The following SMYD3 variants were observed in gnomAD, a reference collection of about 807,000 sequenced individuals.
The protein encoded by SMYD3 is SET and MYND domain containing 3.
In SMYD3, 36 loss-of-function variants were observed where a neutral mutation model predicts 57.7. The observed-to-expected ratio is 0.62, with a 90% CI of 0.48 to 0.82. SMYD3 has a LOEUF of 0.82. Ranked by LOEUF, SMYD3 falls within the 40% of genes least tolerant of loss-of-function variation. SMYD3 has a pLI of 0.00. For missense variants in SMYD3, 515 were observed against 538.8 expected, an observed-to-expected ratio of 0.96 and a Z score of 0.44; for synonymous variants, 211 against 195.0, an observed-to-expected ratio of 1.08 and a Z score of -0.68.
intron 5 of SMYD3, among the ~76,000 whole-genome samples, chr1:246,286,923 G>A (rs1254547867): frequency 6.6e-6 from 1 of 150,550 alleles, no homozygotes; most frequent in African/African-American, 2.4e-5. Context: ...CCATGTTGGA[G>A]TGCAGTGACG....
intron 5 of SMYD3, among the ~76,000 whole-genome samples, chr1:246,220,673 G>A (rs1005265279): frequency 6.6e-6 from 1 of 152,216 alleles, no homozygotes; most frequent in Non-Finnish European, 1.5e-5. Context: ...GGTCACCAGT[G>A]AGGCCCCATT....
chr1:246,493,647 G>A (rs1404956789), intron 1 of SMYD3, among the ~76,000 whole-genome samples: 1 of 152,162 alleles, frequency 6.6e-6, no homozygotes, highest in Non-Finnish European at 1.5e-5. Flanking sequence ...TCACAGAGCA[G>A]TAGTATCACC....
chr1:246,252,343 A>T (rs2063811521), intron 5 of SMYD3, among the ~76,000 whole-genome samples: 1 of 152,220 alleles, frequency 6.6e-6, no homozygotes, highest in African/African-American at 2.4e-5. Flanking sequence ...AAGATAACAC[A>T]GTGTTTGCTA....
intron 1 of SMYD3, among the ~76,000 whole-genome samples, chr1:246,490,606 C>T (rs1331368326): frequency 1.3e-5 from 2 of 152,208 alleles, no homozygotes; most frequent in Non-Finnish European, 2.9e-5. Context: ...GACTCAATGG[C>T]TCACACCTAT....
chr1:246,411,393 C>G (rs1430523762), intron 1 of SMYD3, among the ~76,000 whole-genome samples: 2 of 152,136 alleles, frequency 1.3e-5, no homozygotes, highest in African/African-American at 2.4e-5. Context: ...TAAACTAGTT[C>G]AACCATTGTG....
In SMYD3 at chr1:245,996,489, G is replaced by T. The variant is rs1458701165; in HGVS notation, c.532-66552C>A. ...ACTGTGCTCTAACCCCTTGAAAACT[G>T]AACAAATAGACACATACTCATTAGG... On this transcript the variant is annotated intron_variant, in intron 5 of 11. Transcript: ENST00000490107. Among the ~76,000 whole-genome samples the T allele has an allele frequency of 3.3e-5, 5 of 152,248 alleles. No homozygotes were observed. In the East Asian group the frequency reaches 9.6e-4, roughly 29 times the overall value.
chr1:246,178,835 A>T (rs1405633314), intron 5 of SMYD3: 1 of 151,392 alleles, frequency 6.6e-6, no homozygotes, highest in Non-Finnish European at 1.5e-5. Flanking sequence ...AAAAAAAAAA[A>T]CCCATTAGAC....
At chr1:246,340,731 A>C (rs2065620160) in intron 2 of SMYD3, among the ~76,000 whole-genome samples, 1 of 152,182 alleles carries the variant, frequency 6.6e-6, no homozygotes, top group African/African-American at 2.4e-5. Context: ...TATTTTAAAA[A>C]ATTTAAATAG....
At chr1:245,932,508 C>A (rs975360549) in intron 5 of SMYD3, among the ~76,000 whole-genome samples, 19 of 152,170 alleles carry the variant, frequency 1.2e-4, no homozygotes, top group African/African-American at 4.6e-4. Flanking sequence ...TTTCATTCAT[C>A]ACTCTAGTCC....
intron 2 of SMYD3, among the ~76,000 whole-genome samples, chr1:246,348,077 T>TATATATACAC: frequency 1.2e-5 from 1 of 86,486 alleles, no homozygotes; most frequent in Admixed American, 1.4e-4. Context: ...TATATATATA[T>TATATATACAC]ACACACACAC....
intron 5 of SMYD3, among the ~76,000 whole-genome samples, chr1:246,265,956 T>C (rs1407045086): frequency 6.6e-6 from 1 of 152,246 alleles, no homozygotes; most frequent in Non-Finnish European, 1.5e-5. Flanking sequence ...CTCTCATGAA[T>C]GTTTTTAACA....
intron 5 of SMYD3, among the ~76,000 whole-genome samples, chr1:246,107,214 G>A (rs1480467169): frequency 1.3e-5 from 2 of 151,560 alleles, no homozygotes; most frequent in Non-Finnish European, 2.9e-5. Context: ...GTGAACCTGG[G>A]AGGCGGAGCT....
At position 245,771,908 on chromosome 1, in the gene SMYD3, C is replaced by A. The variant is rs76823551; in HGVS notation, c.1077-7759G>T. The stretch of plus-strand genomic sequence containing the variant: ...AAGATGGGCCCCACAGTCATGAAAC[C>A]ACCTCAGAACACGGAGAACTACTTC... On this transcript the variant is annotated intron_variant, in intron 10 of 11. Coordinates refer to ENST00000490107, the MANE Select transcript of SMYD3 (RefSeq NM_001167740.2). Among the ~76,000 whole-genome samples the A allele has an allele frequency of 5.1e-3, 770 of 152,210 alleles. 6 individuals carry two copies. The highest frequency in any genetic ancestry group is 0.018 in the African/African-American group (736 of 41,524).
intron 8 of SMYD3, among the ~76,000 whole-genome samples, chr1:245,896,389 C>CAAAAAAA (rs3052904): frequency 0.019 from 1,375 of 73,652 alleles, 131 homozygotes; most frequent in African/African-American, 0.088. Context: ...TTTGCCAAGT[C>CAAAAAAA]AAAAAAAAAA....
chr1:246,343,890 C>T (rs1305343891), intron 2 of SMYD3, among the ~76,000 whole-genome samples: 2 of 152,088 alleles, frequency 1.3e-5, no homozygotes, highest in Non-Finnish European at 2.9e-5. Flanking sequence ...TCTATGCATA[C>T]TTAATAGCTC....
intron 5 of SMYD3, among the ~76,000 whole-genome samples, chr1:246,030,024 T>C (rs59322696): frequency 3.4e-5 from 5 of 145,164 alleles, no homozygotes; most frequent in African/African-American, 7.8e-5. Context: ...TTTTTTTTTT[T>C]ACAAAAGAAA....
At chr1:245,797,597 C>T (rs1048969593) in intron 10 of SMYD3, among the ~76,000 whole-genome samples, 3 of 151,602 alleles carry the variant, frequency 2.0e-5, no homozygotes, top group African/African-American at 7.3e-5. Context: ...ATGGGTGCAG[C>T]ACACCAACAT....
chr1:246,268,567 G>A (rs2148539490), intron 5 of SMYD3, among the ~76,000 whole-genome samples: 1 of 152,130 alleles, frequency 6.6e-6, no homozygotes, highest in Non-Finnish European at 1.5e-5. Context: ...AGCCGGGCAT[G>A]GTGGCACACA....
chr1:246,341,963 A>T (rs2065639148), intron 2 of SMYD3, among the ~76,000 whole-genome samples: 1 of 152,218 alleles, frequency 6.6e-6, no homozygotes, highest in Non-Finnish European at 1.5e-5. Context: ...TAAGAAGATT[A>T]GATTCAAAGA....
Sources: gnomAD v4.1 joint callset for allele counts (sites outside exome capture counted in the v4.1 genomes callset) on GRCh38, gnomAD v4.1.1 for gene constraint, MANE v1.5 for transcripts, NCBI Gene and HGNC (gene_info 2026-07-23, HGNC 2026-07-21) for gene names.